Variants in CFAP20DC observed in about 807,000 individuals in gnomAD.
CFAP20DC encodes the protein CFAP20 domain containing.
In CFAP20DC, 84 loss-of-function variants were observed where a neutral mutation model predicts 101.7. The ratio of observed to expected loss-of-function variants is 0.83; its 90% CI spans 0.69 to 0.99. The LOEUF (loss-of-function observed/expected upper bound fraction) is 0.99. Ranked by LOEUF, CFAP20DC falls within the 50% of genes least tolerant of loss-of-function variation. The pLI is 0.00. For missense variants in CFAP20DC, 1,007 were observed against 970.3 expected (o/e 1.04, Z -0.50); for synonymous variants, 359 against 351.2 (o/e 1.02, Z -0.25).
intron 13 of CFAP20DC, among the ~76,000 whole-genome samples, chr3:58,838,385 T>G (rs1460947368): frequency 6.6e-6 from 1 of 152,148 alleles, no homozygotes; most frequent in East Asian, 1.9e-4. Context: ...TCATAAGCAT[T>G]TTAGCATGCG....
At chr3:58,818,976 G>A (rs1021479296) in intron 14 of CFAP20DC, among the ~76,000 whole-genome samples, 19 of 150,324 alleles carry the variant, frequency 1.3e-4, no homozygotes, top group Non-Finnish European at 2.5e-4. Context: ...TAGAACTCAG[G>A]ATTAAGAATC....
At position 59,015,243 on chromosome 3, in the gene CFAP20DC, C is replaced by A. The variant is rs540748409; in HGVS notation, c.278+24314G>T. On this transcript the variant is annotated intron_variant, in intron 4 of 16. Coordinates refer to ENST00000482387, the MANE Select transcript of CFAP20DC (RefSeq NM_001394063.1). This position sits in a 1 kb window ranked among gnomAD's most constrained non-coding sequence, Gnocchi z 5.4. Reference sequence around the variant, plus strand: ...AACTAGCATTTACCATTTCCTGTGGCCCTCAGGCACCCACTTTCTCTTCTT... The same window carrying A: ...AACTAGCATTTACCATTTCCTGTGGACCTCAGGCACCCACTTTCTCTTCTT... Among the ~76,000 whole-genome samples, 1 of 152,110 alleles carries A rather than the reference C, an allele frequency of 6.6e-6. No homozygotes were observed. The highest frequency in any genetic ancestry group is 1.9e-4 in the East Asian group (1 of 5,158).
intron 7 of CFAP20DC, among the ~76,000 whole-genome samples, chr3:58,884,062 C>T (rs1474427963): frequency 4.6e-5 from 7 of 152,018 alleles, no homozygotes; most frequent in African/African-American, 1.7e-4. Context: ...TCCAGCTCCT[C>T]TTGAAAAAAA....
At chr3:58,825,049 A>C (rs897991005) in intron 14 of CFAP20DC, among the ~76,000 whole-genome samples, 2 of 152,154 alleles carry the variant, frequency 1.3e-5, no homozygotes, top group Non-Finnish European at 1.5e-5. Context: ...ACTTTTCTTG[A>C]ATCTACATTT....
At chr3:58,893,043 AT>A (rs1184405114) in intron 6 of CFAP20DC, among the ~76,000 whole-genome samples, 6,188 of 132,358 alleles carry the variant, frequency 0.047, 330 homozygotes, top group African/African-American at 0.15. Flanking sequence ...AACATGAAGG[AT>A]TTTTTTTTTT....
intron 15 of CFAP20DC, among the ~76,000 whole-genome samples, chr3:58,796,787 C>T: frequency 6.6e-6 from 1 of 151,860 alleles, no homozygotes; most frequent in Admixed American, 6.6e-5. Flanking sequence ...TGTCATTTAT[C>T]CAACAGCATG....
intron 4 of CFAP20DC, among the ~76,000 whole-genome samples, chr3:58,968,038 A>G (rs1295069714): frequency 6.6e-6 from 1 of 152,176 alleles, no homozygotes; most frequent in African/African-American, 2.4e-5. Flanking sequence ...AAAAGACATG[A>G]TCTTGTTCTT....
At chr3:58,836,017 G>C (rs2076713706) in intron 13 of CFAP20DC, among the ~76,000 whole-genome samples, 1 of 152,160 alleles carries the variant, frequency 6.6e-6, no homozygotes, top group African/African-American at 2.4e-5. Context: ...CTAGGAACGA[G>C]GCAATGGGCT....
rs772831457 is a variant in CFAP20DC at position 59,001,035 on chromosome 3, G to A, written c.278+38522C>T. On this transcript the variant is annotated intron_variant, in intron 4 of 16. Coordinates refer to ENST00000482387, the MANE Select transcript of CFAP20DC (RefSeq NM_001394063.1). This position sits in a 1 kb window ranked among gnomAD's most constrained non-coding sequence, Gnocchi z 4.5. The stretch of plus-strand genomic sequence containing the variant: ...AGAATTAACTTATTAATTCCAAGAA[G>A]CTTAAAAAAAATTAAATGTTACTAA... Among the ~76,000 whole-genome samples the A allele has an allele frequency of 6.6e-6, 1 of 151,692 alleles. No individual in the cohort carries two copies. Among genetic ancestry groups the A allele is most frequent in the Non-Finnish European group, 1.5e-5 (1 of 67,980 alleles).
rs778680319 is a variant in CFAP20DC, at chr3:58,831,723, C to T, written c.2138G>A (p.Ser713Asn). 11 of 1,613,920 alleles carry T rather than the reference C, an allele frequency of 6.8e-6. No individual in the cohort carries two copies. Among genetic ancestry groups the T allele is most frequent in the African/African-American group, 4.0e-5 (3 of 74,924 alleles). The change falls in exon 14 of 17, where the codon AGT (serine) becomes AAT (asparagine). Residue 713 changes from serine (S) to asparagine (N), a missense_variant. Physicochemically the swap from Ser to Asn is conservative, Grantham distance 46. Coordinates refer to ENST00000482387, the MANE Select transcript of CFAP20DC (RefSeq NM_001394063.1). ...GGAGTTCCAGGTGGTTGTGTCGTCA[C>T]TGCTGGTACTTATGCTGACATTACA... ...DNCNVSISTS[S>N]DDTTTWNSCL...
chr3:58,923,832 C>G (rs556474263), intron 5 of CFAP20DC, among the ~76,000 whole-genome samples: 1 of 152,250 alleles, frequency 6.6e-6, no homozygotes, highest in South Asian at 2.1e-4. Flanking sequence ...TTCTCTTACT[C>G]TCTCTCTGCT....
At chr3:58,867,367 T>C (rs2079784650) in intron 10 of CFAP20DC, among the ~76,000 whole-genome samples, 1 of 152,162 alleles carries the variant, frequency 6.6e-6, no homozygotes, top group African/African-American at 2.4e-5. Context: ...AGAGTTTAAA[T>C]TTTAACCTAG....
rs572884699 is a variant in CFAP20DC at position 59,002,410 on chromosome 3, G to A, written c.278+37147C>T. ...AAATGACTTTATGCAAGCAAAGCAAGTAGAAGTATTTCTAAATGTGAAAAC... is the reference window on the plus strand; with the variant it reads ...AAATGACTTTATGCAAGCAAAGCAAATAGAAGTATTTCTAAATGTGAAAAC... On this transcript the variant is annotated intron_variant, in intron 4 of 16. Transcript: ENST00000482387. The surrounding 1 kb of genome is among the most constrained non-coding windows in gnomAD (Gnocchi z 4.5). Among the ~76,000 whole-genome samples, 1 of 152,298 alleles carries A rather than the reference G, an allele frequency of 6.6e-6. No individual in the cohort carries two copies. Among genetic ancestry groups the A allele is most frequent in the South Asian group, 2.1e-4 (1 of 4,820 alleles).
chr3:58,721,834 C>G lies in CFAP20DC; in HGVS notation c.198-4206G>C, dbSNP rs144543749. On this transcript the variant is annotated intron_variant, in intron 3 of 3. Coordinates refer to the CFAP20DC transcript ENST00000486145. This position sits in a 1 kb window ranked among gnomAD's most constrained non-coding sequence, Gnocchi z 5.2. Reference sequence around the variant, plus strand: ...GGCAGGAATCCAAAGTGGAGACCACCAGGCTCTGGTCATGTTGGGGTTGAT... The same window carrying G: ...GGCAGGAATCCAAAGTGGAGACCACGAGGCTCTGGTCATGTTGGGGTTGAT... 3.0e-3 allele frequency among the ~76,000 whole-genome samples: 462 copies of G among 152,304 alleles called. No individual in the cohort carries two copies. The highest frequency in any genetic ancestry group is 0.011 in the African/African-American group (449 of 41,560).
rs1225890977 is a variant in CFAP20DC at position 58,799,456 on chromosome 3, C to A, written c.2237+6939G>T. 6.6e-6 allele frequency among the ~76,000 whole-genome samples: 1 copy of A among 152,148 alleles called. No individual in the cohort carries two copies. The highest frequency in any genetic ancestry group is 1.5e-5 in the Non-Finnish European group (1 of 68,036). ...GAGACTCTTAAGGTAGAGAAGTATA[C>A]AGGTGCTCATGGGCTCCAGCTAGTG... On this transcript the variant is annotated intron_variant, in intron 15 of 16. Transcript: ENST00000482387. This position sits in a 1 kb window ranked among gnomAD's most constrained non-coding sequence, Gnocchi z 4.9.
intron 4 of CFAP20DC, among the ~76,000 whole-genome samples, chr3:58,980,341 C>T (rs1424463463): frequency 6.6e-6 from 1 of 152,154 alleles, no homozygotes; most frequent in Non-Finnish European, 1.5e-5. Flanking sequence ...GGGAATCCTC[C>T]CTAACTCATT....
intron 12 of CFAP20DC, among the ~76,000 whole-genome samples, chr3:58,853,890 C>A (rs376596969): frequency 0.042 from 6,294 of 151,418 alleles, 192 homozygotes; most frequent in Non-Finnish European, 0.064. Context: ...ACTGAATGGG[C>A]AAAAACTGGA....
intron 5 of CFAP20DC, among the ~76,000 whole-genome samples, chr3:58,936,483 A>T (rs566136206): frequency 1.3e-5 from 2 of 152,342 alleles, no homozygotes; most frequent in East Asian, 3.9e-4. Context: ...ACGTATGTTT[A>T]TTGCGGCACT....
At chr3:58,762,410 T>C (rs2069721708) in intron 15 of CFAP20DC, among the ~76,000 whole-genome samples, 1 of 152,200 alleles carries the variant, frequency 6.6e-6, no homozygotes, top group African/African-American at 2.4e-5. Flanking sequence ...CTCCATCCTT[T>C]TATTTTGAGC....
Sources: gnomAD v4.1 joint callset for allele counts (sites outside exome capture counted in the v4.1 genomes callset) on GRCh38, gnomAD v4.1.1 for gene constraint, Gnocchi (gnomAD v3.1) non-coding constraint, MANE v1.5 for transcripts, NCBI Gene and HGNC (gene_info 2026-07-23, HGNC 2026-07-21) for gene names.